Variants in AHCTF1 observed in about 807,000 individuals in gnomAD.
The protein encoded by AHCTF1 is protein ELYS.
In AHCTF1, 24 loss-of-function variants were observed where a neutral mutation model predicts 248.4. The ratio of observed to expected loss-of-function variants is 0.10; its 90% CI spans 0.07 to 0.14. AHCTF1 has a LOEUF of 0.14. Among genes scored for constraint, AHCTF1 ranks in the 10% least tolerant of loss-of-function variants. The pLI is 1.00. For synonymous variants in AHCTF1, 786 were observed against 929.8 expected, an observed-to-expected ratio of 0.85 and a Z score of 2.81; for missense variants, 2,206 against 2,636.2, an observed-to-expected ratio of 0.84 and a Z score of 3.57.
rs1188754675 is a variant in AHCTF1, at chr1:246,850,989, G to A, written c.5017C>T (p.Leu1673=). ...PIKVAIAENL[L]DVIKDTRSKE... is the part of the protein sequence containing the mutation. The stretch of plus-strand genomic sequence containing the variant: ...CTTCTTGTGTCTTTAATTACATCTA[G>A]TAAATTTTCTGCAATTGCTACTTTA... Residue 1673 remains leucine, a synonymous_variant, in exon 33 of 36, where the codon CTA becomes TTA. Transcript: ENST00000648844. 6.2e-7 allele frequency: 1 copy of A among 1,613,914 alleles called. No homozygotes were observed. Among genetic ancestry groups the A allele is most frequent in the Non-Finnish European group, 8.5e-7 (1 of 1,179,862 alleles).
Position 246,918,232 on chromosome 1 carries a change from C to A in AHCTF1, c.121+18G>T. 3 of 1,595,942 alleles carry A rather than the reference C, an allele frequency of 1.9e-6. No homozygotes were observed. In the South Asian group the frequency reaches 3.5e-5, roughly 18 times the overall value. On this transcript the variant is annotated intron_variant, in intron 2 of 35. Transcript: ENST00000648844. ...CAAATCAATTGTATTAGTAAATGTTCAGTGACATTATGTTTACCTGCAGCA... is the reference window on the plus strand; with the variant it reads ...CAAATCAATTGTATTAGTAAATGTTAAGTGACATTATGTTTACCTGCAGCA...
intron 15 of AHCTF1, 103 bp downstream of exon 15, chr1:246,891,676 C>T (rs1664214034): frequency 8.0e-7 from 1 of 1,255,902 alleles, no homozygotes; most frequent in African/African-American, 1.6e-5. Context: ...ATAAAGTCCT[C>T]TTTACATAAT....
chr1:246,842,777 C>T lies in AHCTF1; in HGVS notation c.6526-1G>A. The stretch of plus-strand genomic sequence containing the variant: ...TTTCTACTGATTGTGCATCATCTTT[C>T]TATGGGTTAAACATTTTAAAAGGTT... On this transcript the variant is annotated splice_acceptor_variant, in intron 34 of 35. Coordinates refer to ENST00000648844, the MANE Select transcript of AHCTF1 (RefSeq NM_001323342.2). LOFTEE classifies it high-confidence loss of function. 1 of 1,612,220 alleles carries T rather than the reference C, an allele frequency of 6.2e-7. No homozygotes were observed. Among genetic ancestry groups the T allele is most frequent in the Non-Finnish European group, 8.5e-7 (1 of 1,178,714 alleles).
In AHCTF1 at chr1:246,928,723, A is replaced by G. The variant is rs1176725075; in HGVS notation, c.-8+2855T>C. Among the ~76,000 whole-genome samples the G allele has an allele frequency of 1.3e-5, 2 of 152,260 alleles. 1 individual carries two copies. Among genetic ancestry groups the G allele is most frequent in the Middle Eastern group, 6.3e-3 (2 of 316 alleles). On this transcript the variant is annotated intron_variant, in intron 1 of 35. Coordinates refer to ENST00000648844, the MANE Select transcript of AHCTF1 (RefSeq NM_001323342.2). Reference sequence around the variant, plus strand: ...ACCACAGAAAATGGAACTCTAATCTAGTTCAACAATTATATTGCAACATGT... The same window carrying G: ...ACCACAGAAAATGGAACTCTAATCTGGTTCAACAATTATATTGCAACATGT...
At chr1:246,890,591 A>G (rs192484331) in intron 16 of AHCTF1, among the ~76,000 whole-genome samples, 4 of 152,260 alleles carry the variant, frequency 2.6e-5, no homozygotes, top group Admixed American at 2.6e-4. Flanking sequence ...ATTAGTCAGT[A>G]ACCATATTAA....
At chr1:246,896,802 A>G (rs1029471039) in intron 12 of AHCTF1, among the ~76,000 whole-genome samples, 1 of 152,238 alleles carries the variant, frequency 6.6e-6, no homozygotes, top group Non-Finnish European at 1.5e-5. Flanking sequence ...CATTCATTAC[A>G]GGAGCAAATT....
rs531097061 is a variant in AHCTF1, at chr1:246,882,132, G to A, written c.2660+3361C>T. On this transcript the variant is annotated intron_variant, in intron 21 of 35. Transcript: ENST00000648844. Reference sequence around the variant, plus strand: ...CCTGCCTCAGCCTCCTGAGTAGCTGGGACTACAGGCGTGCACCACCTCGCC... The same window carrying A: ...CCTGCCTCAGCCTCCTGAGTAGCTGAGACTACAGGCGTGCACCACCTCGCC... 4.0e-5 allele frequency among the ~76,000 whole-genome samples: 6 copies of A among 151,774 alleles called. No individual in the cohort carries two copies. In the East Asian group the frequency reaches 1.2e-3, roughly 30 times the overall value.
intron 30 of AHCTF1, among the ~76,000 whole-genome samples, chr1:246,856,780 G>A (rs73142235): frequency 0.026 from 3,975 of 152,284 alleles, 193 homozygotes; most frequent in African/African-American, 0.092. Context: ...TTTCTCAGGC[G>A]TAAAGCATGT....
rs747656296 is a variant in AHCTF1 at position 246,904,026 on chromosome 1, C to A, written c.889G>T (p.Asp297Tyr). Residue 297 changes from aspartate (D) to tyrosine (Y), a missense_variant, in exon 7 of 36, where the codon GAT becomes TAT. Transcript: ENST00000648844. ...TGCAGCAGATGCAAACTCAAAACAT[C>A]CCCTTCACTGAAACAGAAATTAACG... ...AVQSTQDSEG[D>Y]VLSLHLLQLA... is the part of the protein sequence containing the mutation. 1 of 1,613,830 alleles carries A rather than the reference C, an allele frequency of 6.2e-7. No homozygotes were observed. Among genetic ancestry groups the A allele is most frequent in the Non-Finnish European group, 8.5e-7 (1 of 1,179,792 alleles).
intron 33 of AHCTF1, among the ~76,000 whole-genome samples, chr1:246,844,210 G>T (rs1022458038): frequency 3.3e-5 from 5 of 152,202 alleles, no homozygotes; most frequent in African/African-American, 4.8e-5. Context: ...GAACTGTTTA[G>T]TCTATTTCTT....
intron 33 of AHCTF1, among the ~76,000 whole-genome samples, chr1:246,847,682 T>C (rs971055527): frequency 4.2e-4 from 64 of 152,260 alleles, no homozygotes; most frequent in African/African-American, 1.5e-3. Flanking sequence ...GTACTTTTTG[T>C]AGAGATGGGG....
chr1:246,865,955 A>AT lies in AHCTF1; in HGVS notation c.3347+1288dup, dbSNP rs550141534. 2.3e-3 allele frequency among the ~76,000 whole-genome samples: 343 copies of AT among 151,584 alleles called. 2 individuals carry two copies. The highest frequency in any genetic ancestry group is 6.9e-3 in the South Asian group (33 of 4,804). ...TGTAACTTTTTACTTGTTAGAGCTA[A>AT]TTTTTTTTTACCATAATCCATATAA... On this transcript the variant is annotated intron_variant, in intron 26 of 35. Transcript: ENST00000648844.
In AHCTF1 at chr1:246,851,157, C is replaced by T; in HGVS notation, c.4849G>A (p.Ala1617Thr). The T allele has an allele frequency of 6.2e-7, 1 of 1,613,872 alleles. No homozygotes were observed. Among genetic ancestry groups the T allele is most frequent in the Non-Finnish European group, 8.5e-7 (1 of 1,179,826 alleles). Residue 1617 changes from alanine (A) to threonine (T), a missense_variant, in exon 33 of 36, where the codon GCA becomes ACA. Around this residue, in one of 6 missense-constraint regions of AHCTF1, gnomAD observed 955 missense variants for 1,055.6 expected, o/e 0.90. Coordinates refer to ENST00000648844, the MANE Select transcript of AHCTF1 (RefSeq NM_001323342.2). ...TTTTCTTCAGTTGCTGTGTTAGCTG[C>T]TTTAGGTAACACATCAGATGATGCA... Reference protein sequence around the residue: ...DFASSDVLPKAANTATEEKLV... With the variant: ...DFASSDVLPKTANTATEEKLV...
In AHCTF1 at chr1:246,853,216, G is replaced by C. The variant is rs550671733; in HGVS notation, c.4438C>G (p.Gln1480Glu). 3.7e-6 allele frequency: 6 copies of C among 1,613,682 alleles called. No homozygotes were observed. The South Asian group carries it at 4.4e-5, about 12-fold the overall frequency. The change falls in exon 32 of 36, where the codon CAG (glutamine) becomes GAG (glutamate). Residue 1480 changes from glutamine (Q) to glutamate (E), a missense_variant. By Grantham distance (29) the Gln-to-Glu change is conservative (BLOSUM62 2). Coordinates refer to ENST00000648844, the MANE Select transcript of AHCTF1 (RefSeq NM_001323342.2). ...GPIVSERRLN[Q>E]EVALNLKEDH... is the part of the protein sequence containing the mutation. ...TCTTTTAAGTTCAGCGCTACTTCCT[G>C]GTTAAGCCTGCGCTCAGAGACAATA...
intron 1 of AHCTF1, among the ~76,000 whole-genome samples, chr1:246,921,112 T>A (rs982572848): frequency 2.6e-5 from 4 of 151,402 alleles, no homozygotes; most frequent in Admixed American, 1.3e-4. Context: ...ATAATAATAA[T>A]AAAAATAAAA....
intron 31 of AHCTF1, among the ~76,000 whole-genome samples, chr1:246,854,113 C>T (rs1288587264): frequency 6.6e-6 from 1 of 152,014 alleles, no homozygotes; most frequent in African/African-American, 2.4e-5. Flanking sequence ...CCCTGGCTAA[C>T]ACGGTGAAAC....
intron 14 of AHCTF1, among the ~76,000 whole-genome samples, 178 bp from the exon 15 acceptor site, chr1:246,892,097 A>G (rs1664245104): frequency 6.6e-6 from 1 of 152,180 alleles, no homozygotes; most frequent in African/African-American, 2.4e-5. Context: ...TGCTTTCAAT[A>G]TAAAACTAGC....
chr1:246,909,553 C>T (rs1395302080), intron 4 of AHCTF1, among the ~76,000 whole-genome samples: 1 of 152,130 alleles, frequency 6.6e-6, no homozygotes, highest in Admixed American at 6.6e-5. Flanking sequence ...GATCAACTGT[C>T]GCAGTATTGC....
chr1:246,870,323 T>C (rs975036730), intron 24 of AHCTF1, among the ~76,000 whole-genome samples: 1 of 152,082 alleles, frequency 6.6e-6, no homozygotes, highest in Non-Finnish European at 1.5e-5. Flanking sequence ...CTCGGAAAGC[T>C]GAGGCAGGAG....
Sources: gnomAD v4.1 joint callset for allele counts (sites outside exome capture counted in the v4.1 genomes callset) on GRCh38, gnomAD v4.1.1 for gene constraint, gnomAD v4.1.1 regional missense constraint, MANE v1.5 for transcripts, NCBI Gene and HGNC (gene_info 2026-07-23, HGNC 2026-07-21) for gene names.